LAMC3: variants seen among roughly 807,000 people sequenced by gnomAD.
LAMC3 encodes the protein laminin subunit gamma 3.
A neutral mutation model predicts 173.8 loss-of-function variants in LAMC3; 128 were observed. That is an observed-to-expected ratio of 0.74 (90% CI 0.64 to 0.85). LAMC3 has a LOEUF of 0.85. LAMC3 is among the 40% of genes least tolerant of loss of function. The pLI, the probability that LAMC3 is intolerant of heterozygous loss-of-function variation, is 0.00. For missense variants in LAMC3, 2,022 were observed against 2,156.0 expected, an observed-to-expected ratio of 0.94 and a Z score of 1.23; for synonymous variants, 897 against 909.1, an observed-to-expected ratio of 0.99 and a Z score of 0.24.
chr9:131,038,313 G>A (rs2133251917), intron 4 of LAMC3, among the ~76,000 whole-genome samples: 1 of 152,332 alleles, frequency 6.6e-6, no homozygotes, highest in Non-Finnish European at 1.5e-5. Flanking sequence ...GGCAGCACGA[G>A]GGCGGCAGGT....
At chr9:131,061,286 G>C in intron 13 of LAMC3, 63 bp downstream of exon 13, 2 of 1,417,764 alleles carry the variant, frequency 1.4e-6, no homozygotes, top group East Asian at 2.4e-5. Flanking sequence ...CTGTGACTAT[G>C]CCCTGGGCTC....
At chr9:131,018,173 AGCCCAAGCTGGAG>A (rs1833560037) in intron 1 of LAMC3, among the ~76,000 whole-genome samples, 1 of 148,708 alleles carries the variant, frequency 6.7e-6, no homozygotes, top group Admixed American at 6.7e-5. Flanking sequence ...GTCTCACTCT[AGCCCAAGCTGGAG>A]TGAAGTGGCA....
chr9:131,077,516 A>G (rs370774499), intron 22 of LAMC3, among the ~76,000 whole-genome samples, 182 bp downstream of exon 22: 18 of 151,840 alleles, frequency 1.2e-4, no homozygotes, highest in African/African-American at 4.4e-4. Context: ...GTCTCTACTA[A>G]AAATACAAAA....
intron 17 of LAMC3, 87 bp downstream of exon 17, chr9:131,069,937 G>T (rs1830011606): frequency 1.5e-6 from 2 of 1,359,562 alleles, no homozygotes; most frequent in South Asian, 2.5e-5. Flanking sequence ...GGAACTGCCT[G>T]CTTACCCCCA....
At chr9:131,072,879 A>G (rs1321891053) in intron 19 of LAMC3, 44 bp downstream of exon 19, 2 of 1,554,744 alleles carry the variant, frequency 1.3e-6, no homozygotes, top group Non-Finnish European at 1.8e-6. Context: ...AAACCTGGGC[A>G]TTGGTCCCTG....
rs1006313089 is a variant in LAMC3 at position 131,036,311 on chromosome 9, G to A, written c.955G>A (p.Glu319Lys). 6.2e-6 allele frequency: 10 copies of A among 1,612,848 alleles called. No homozygotes were observed. Among genetic ancestry groups the A allele is most frequent in the African/African-American group, 4.0e-5 (3 of 74,884 alleles). Residue 319 changes from glutamate to lysine, a missense_variant, in exon 4 of 28, where the codon GAG becomes AAG. Transcript: ENST00000361069. ...QDRPWARGTAEAAHECLPCNC... is the reference protein window; with the variant it reads ...QDRPWARGTAKAAHECLPCNC... ...CCGCCCGTGGGCCCGGGGCACCGCC[G>A]AGGCTGCCCACGAGTGTCTGCGTGA...
At position 131,009,181 on chromosome 9, in the gene LAMC3, G is replaced by T; in HGVS notation, c.-34G>T. 8.5e-7 allele frequency: 1 copy of T among 1,178,136 alleles called. No individual in the cohort carries two copies. Among genetic ancestry groups the T allele is most frequent in the Non-Finnish European group, 1.0e-6 (1 of 955,874 alleles). 73.0% of individuals were successfully genotyped at this position (1,178,136 alleles called of 1,614,324 possible). A position where few individuals can be genotyped will look rare whatever the true frequency, so the allele number is the denominator to read the frequency against. ...TCCGCGCCCACCCTAGCCGAGCGGG[G>T]CCGGCAGAGCGCGCGGCGTCGGTGC... On this transcript the variant is annotated 5_prime_UTR_variant, in exon 1 of 28. Transcript: ENST00000361069. The surrounding 1 kb of genome is among the most constrained non-coding windows in gnomAD (Gnocchi z 4.3).
Position 131,009,196 on chromosome 9 carries a change from G to T in LAMC3, c.-19G>T, listed in dbSNP as rs1400833104. The T allele has an allele frequency of 3.9e-5, 47 of 1,191,222 alleles. No homozygotes were observed. The highest frequency in any genetic ancestry group is 6.7e-4 in the Middle Eastern group (2 of 2,970). 73.8% of individuals were successfully genotyped at this position (1,191,222 alleles called of 1,614,324 possible). A position where few individuals can be genotyped will look rare whatever the true frequency, so the allele number is the denominator to read the frequency against. On this transcript the variant is annotated 5_prime_UTR_variant, in exon 1 of 28. Transcript: ENST00000361069. The surrounding 1 kb of genome is among the most constrained non-coding windows in gnomAD (Gnocchi z 4.3). ...GCCGAGCGGGGCCGGCAGAGCGCGC[G>T]GCGTCGGTGCCCTTGACCATGGCGG... is the stretch of plus-strand genomic sequence containing the variant.
At chr9:131,036,081 GC>G in intron 3 of LAMC3, 84 bp from the exon 4 acceptor site, 1 of 1,449,158 alleles carries the variant, frequency 6.9e-7, no homozygotes, top group Non-Finnish European at 9.7e-7. Flanking sequence ...GCTCACACCT[GC>G]AAACAGGGGC....
At chr9:131,060,969 C>G in intron 12 of LAMC3, 66 bp from the exon 13 acceptor site, 2 of 1,542,684 alleles carry the variant, frequency 1.3e-6, no homozygotes, top group Non-Finnish European at 1.8e-6. Flanking sequence ...CTAACCTCTC[C>G]CACCGGGATG....
At chr9:131,079,465 C>T (rs564003293) in intron 23 of LAMC3, among the ~76,000 whole-genome samples, 167 bp downstream of exon 23, 3 of 152,162 alleles carry the variant, frequency 2.0e-5, no homozygotes, top group African/African-American at 4.8e-5. Context: ...GAGGCCGAGA[C>T]GGGTGGATCA....
intron 1 of LAMC3, among the ~76,000 whole-genome samples, chr9:131,022,548 G>T (rs1290834096): frequency 4.7e-5 from 7 of 149,568 alleles, no homozygotes; most frequent in Admixed American, 6.8e-5. Flanking sequence ...ATCAATTTTA[G>T]AATATATTTA....
At chr9:131,059,568 C>T (rs1170260801) in intron 12 of LAMC3, among the ~76,000 whole-genome samples, 2 of 135,140 alleles carry the variant, frequency 1.5e-5, no homozygotes, top group Non-Finnish European at 3.2e-5. Flanking sequence ...ACACGCCACA[C>T]GCCACATACA....
At chr9:131,038,828 G>C in intron 4 of LAMC3, 36 bp from the exon 5 acceptor site, 3 of 1,605,490 alleles carry the variant, frequency 1.9e-6, no homozygotes, top group Middle Eastern at 1.7e-4. Context: ...CCACATCACA[G>C]GGGACTCACA....
Position 131,085,674 on chromosome 9 carries a change from C to G in LAMC3, c.4181C>G (p.Ala1394Gly). Reference protein sequence around the residue: ...LGNAAPLSSSAKKKGREAEVL... With the variant: ...LGNAAPLSSSGKKKGREAEVL... ...AACGCGGCCCCTCTTTCCTCCAGTG[C>G]CAAGAAGAAGGGCAGAGAAGCAGAG... The change falls in exon 25 of 28, where the codon GCC (alanine) becomes GGC (glycine). Residue 1394 changes from alanine (A) to glycine (G), a missense_variant. Coordinates refer to ENST00000361069, the MANE Select transcript of LAMC3 (RefSeq NM_006059.4). The G allele has an allele frequency of 1.2e-6, 2 of 1,614,184 alleles. No individual in the cohort carries two copies. The highest frequency in any genetic ancestry group is 1.7e-6 in the Non-Finnish European group (2 of 1,180,040).
intron 24 of LAMC3, among the ~76,000 whole-genome samples, chr9:131,084,756 G>A (rs558370537): frequency 1.8e-4 from 27 of 151,654 alleles, no homozygotes; most frequent in African/African-American, 5.8e-4. Flanking sequence ...AATACCAGCC[G>A]TGTATGGTGG....
chr9:131,032,643 G>A (rs1417207761), intron 3 of LAMC3, among the ~76,000 whole-genome samples: 2 of 120,196 alleles, frequency 1.7e-5, no homozygotes, highest in African/African-American at 3.1e-5. Flanking sequence ...TTGCTCTCTC[G>A]CTCTCACTCA....
chr9:131,037,546 C>G (rs531445578), intron 4 of LAMC3, among the ~76,000 whole-genome samples: 47 of 152,322 alleles, frequency 3.1e-4, no homozygotes, highest in African/African-American at 1.1e-3. Flanking sequence ...CTCTGTCACC[C>G]AGGCTGGAGT....
At chr9:131,081,932 G>A (rs1411814724) in intron 23 of LAMC3, 127 bp from the exon 24 acceptor site, 3 of 710,120 alleles carry the variant, frequency 4.2e-6, no homozygotes, top group East Asian at 2.7e-5. Flanking sequence ...GGTGGACAGC[G>A]TGACCCAGCG....
Sources: allele counts gnomAD v4.1 joint callset (sites outside exome capture counted in the v4.1 genomes callset), GRCh38; gene constraint gnomAD v4.1.1; non-coding constraint Gnocchi (gnomAD v3.1); transcripts MANE v1.5; gene names NCBI Gene and HGNC (gene_info 2026-07-23, HGNC 2026-07-21).